Variants in PLXNA2 observed in about 807,000 individuals in gnomAD.
PLXNA2 encodes the protein plexin-A2.
A neutral mutation model predicts 193.5 loss-of-function variants in PLXNA2; 91 were observed. The ratio of observed to expected loss-of-function variants is 0.47; its 90% CI spans 0.40 to 0.56. The LOEUF is 0.56. Among genes scored for constraint, PLXNA2 ranks in the 20% least tolerant of loss-of-function variants. PLXNA2 has a pLI of 0.00. For synonymous variants in PLXNA2, 997 were observed against 1,027.3 expected, an observed-to-expected ratio of 0.97 and a Z score of 0.56; for missense variants, 1,995 against 2,503.2, an observed-to-expected ratio of 0.80 and a Z score of 4.33.
At chr1:208,124,601 C>T (rs1667908594) in intron 4 of PLXNA2, among the ~76,000 whole-genome samples, 1 of 148,900 alleles carries the variant, frequency 6.7e-6, no homozygotes, top group African/African-American at 2.5e-5. Flanking sequence ...ATCCCTTGAA[C>T]CCGGTAGGCA....
chr1:208,103,380 T>C (rs993124005), intron 4 of PLXNA2, 133 bp from the exon 5 acceptor site: 2 of 640,552 alleles, frequency 3.1e-6, no homozygotes, highest in Non-Finnish European at 5.3e-6. Context: ...CGGCAAGTCA[T>C]GGCCTCAATG....
chr1:208,043,922 C>T (rs555766233), intron 20 of PLXNA2, among the ~76,000 whole-genome samples: 12 of 152,334 alleles, frequency 7.9e-5, no homozygotes, highest in African/African-American at 2.4e-4. Flanking sequence ...TGAGAGGACG[C>T]CAGGTACACT....
At position 208,082,558 on chromosome 1, in the gene PLXNA2, G is replaced by T; in HGVS notation, c.2299-50C>A. On this transcript the variant is annotated intron_variant, in intron 10 of 31. Transcript: ENST00000367033. The surrounding 1 kb of genome is among the most constrained non-coding windows in gnomAD (Gnocchi z 4.2). ...GGGGCTCATGTGGCTCTCTATCACA[G>T]GGGTCAGGGATGCAGACAAACCCTG... is the stretch of plus-strand genomic sequence containing the variant. 1 of 1,353,940 alleles carries T rather than the reference G, an allele frequency of 7.4e-7. No individual in the cohort carries two copies. The highest frequency in any genetic ancestry group is 1.1e-6 in the Non-Finnish European group (1 of 948,106). 83.9% of individuals were successfully genotyped at this position (1,353,940 alleles called of 1,614,324 possible).
At chr1:208,183,269 C>T (rs978158701) in intron 3 of PLXNA2, among the ~76,000 whole-genome samples, 4 of 152,182 alleles carry the variant, frequency 2.6e-5, no homozygotes, top group East Asian at 1.9e-4. Flanking sequence ...ATCCTGAATC[C>T]GGAGGGAGGG....
intron 4 of PLXNA2, 47 bp from the exon 5 acceptor site, chr1:208,103,294 C>T (rs754340170): frequency 2.4e-5 from 35 of 1,433,822 alleles, no homozygotes; most frequent in Middle Eastern, 1.8e-4. Context: ...GCTGTGACGA[C>T]TAGCAGGTGT....
Position 208,138,463 on chromosome 1 carries a change from C to A in PLXNA2, c.1506+3866G>T, listed in dbSNP as rs528417970. ...CTACAATGGCTTGAGTAGGAGGCAACCCCATCATAAGTCGAGAGCATGTGT... is the reference window on the plus strand; with the variant it reads ...CTACAATGGCTTGAGTAGGAGGCAAACCCATCATAAGTCGAGAGCATGTGT... On this transcript the variant is annotated intron_variant, in intron 4 of 31. Transcript: ENST00000367033. Among the ~76,000 whole-genome samples the A allele has an allele frequency of 1.0e-3, 157 of 152,312 alleles. 5 individuals carry two copies. In the South Asian group the frequency reaches 0.031, roughly 30 times the overall value.
Position 208,216,966 on chromosome 1 carries a change from C to T in PLXNA2, c.957G>A (p.Gly319=). 7 of 1,613,624 alleles carry T rather than the reference C, an allele frequency of 4.3e-6. No homozygotes were observed. The highest frequency in any genetic ancestry group is 5.9e-6 in the Non-Finnish European group (7 of 1,179,702). Residue 319 remains glycine (G), a synonymous_variant, in exon 2 of 32, where the codon GGG becomes GGA. Coordinates refer to ENST00000367033, the MANE Select transcript of PLXNA2 (RefSeq NM_025179.4). The part of the protein sequence containing the change: ...LLQAAYLAKP[G]DSLAQAFNIT... ...TATTGAAGGCCTGGGCCAGTGAGTC[C>T]CCAGGCTTGGCCAGGTAAGCAGCCT...
chr1:208,122,991 T>C (rs1408424111), intron 4 of PLXNA2, among the ~76,000 whole-genome samples: 1 of 152,222 alleles, frequency 6.6e-6, no homozygotes, highest in Non-Finnish European at 1.5e-5. Flanking sequence ...ATTCAGGAAC[T>C]GTACAACCAT....
At chr1:208,119,993 T>C (rs1054085620) in intron 4 of PLXNA2, among the ~76,000 whole-genome samples, 4 of 152,214 alleles carry the variant, frequency 2.6e-5, no homozygotes, top group African/African-American at 9.6e-5. Context: ...GTGGATGGAT[T>C]TGTGTCCCCT....
intron 22 of PLXNA2, among the ~76,000 whole-genome samples, chr1:208,041,092 C>T (rs1197812824): frequency 1.3e-5 from 2 of 152,236 alleles, no homozygotes; most frequent in African/African-American, 2.4e-5. Context: ...TCCCAGCACC[C>T]TCTCCCTGCA....
chr1:208,190,579 T>C (rs909278734), intron 3 of PLXNA2, among the ~76,000 whole-genome samples: 4 of 152,172 alleles, frequency 2.6e-5, no homozygotes, highest in Admixed American at 6.5e-5. Flanking sequence ...TAATTCTTCA[T>C]TGTGGGGAGG....
At position 208,070,446 on chromosome 1, in the gene PLXNA2, C is replaced by CA. The variant is rs532729103; in HGVS notation, c.2586+8813dup. Among the ~76,000 whole-genome samples, 1,167 of 152,242 alleles carry CA rather than the reference C, an allele frequency of 7.7e-3. 12 individuals carry two copies. Among genetic ancestry groups the CA allele is most frequent in the South Asian group, 0.046 (220 of 4,824 alleles). On this transcript the variant is annotated intron_variant, in intron 12 of 31. Transcript: ENST00000367033. ...TCTTCCTGTGCATGTCTAGTCTCCCCAAACAATGCTGGGATTGGGGACTAC... is the reference window on the plus strand; with the variant it reads ...TCTTCCTGTGCATGTCTAGTCTCCCCAAAACAATGCTGGGATTGGGGACTAC...
At chr1:208,047,561 T>C (rs1249179738) in intron 17 of PLXNA2, among the ~76,000 whole-genome samples, 1 of 152,224 alleles carries the variant, frequency 6.6e-6, no homozygotes, top group Non-Finnish European at 1.5e-5. Context: ...ACTCCCTCTC[T>C]GCCTGGCTCC....
Position 208,038,509 on chromosome 1 carries a change from G to C in PLXNA2, c.4661-35C>G. On this transcript the variant is annotated intron_variant, in intron 25 of 31. Coordinates refer to ENST00000367033, the MANE Select transcript of PLXNA2 (RefSeq NM_025179.4). This position sits in a 1 kb window ranked among gnomAD's most constrained non-coding sequence, Gnocchi z 4.1. ...GGGGGTGGTGCAGGGAGCGGCGTGA[G>C]AGGGATGAGGGCTGTGAGCCAGTGT... The C allele has an allele frequency of 6.7e-7, 1 of 1,500,622 alleles. No individual in the cohort carries two copies. Among genetic ancestry groups the C allele is most frequent in the Non-Finnish European group, 9.3e-7 (1 of 1,076,610 alleles). 93.0% of individuals were successfully genotyped at this position (1,500,622 alleles called of 1,614,324 possible).
intron 1 of PLXNA2, among the ~76,000 whole-genome samples, chr1:208,241,352 C>G (rs1672043897): frequency 6.6e-6 from 1 of 152,164 alleles, no homozygotes; most frequent in African/African-American, 2.4e-5. Context: ...GCTCTGAAGA[C>G]AGGGATAGGT....
intron 11 of PLXNA2, among the ~76,000 whole-genome samples, chr1:208,081,450 A>G (rs1169618515): frequency 6.6e-6 from 1 of 152,108 alleles, no homozygotes; most frequent in African/African-American, 2.4e-5. Context: ...CTTGTGGCTG[A>G]GGGTAGGAGG....
rs1664972751 is a variant in PLXNA2, at chr1:208,044,150, G to A, written c.3874+358C>T. ...GCGAAGACAGTGTGCAGAAAAACAA[G>A]AGCTGGACACTCCCATGGGGGATCT... On this transcript the variant is annotated intron_variant, in intron 20 of 31. Coordinates refer to ENST00000367033, the MANE Select transcript of PLXNA2 (RefSeq NM_025179.4). The surrounding 1 kb of genome is among the most constrained non-coding windows in gnomAD (Gnocchi z 4.9). Among the ~76,000 whole-genome samples, 1 of 152,230 alleles carries A rather than the reference G, an allele frequency of 6.6e-6. No homozygotes were observed. Among genetic ancestry groups the A allele is most frequent in the South Asian group, 2.1e-4 (1 of 4,834 alleles).
At chr1:208,067,293 G>A (rs372630312) in intron 12 of PLXNA2, among the ~76,000 whole-genome samples, 3 of 148,806 alleles carry the variant, frequency 2.0e-5, no homozygotes, top group Admixed American at 6.7e-5. Flanking sequence ...GCAGTGAGCC[G>A]AGATCGCACC....
At chr1:208,085,567 A>G (rs1666491540) in intron 9 of PLXNA2, among the ~76,000 whole-genome samples, 1 of 152,236 alleles carries the variant, frequency 6.6e-6, no homozygotes, top group South Asian at 2.1e-4. Context: ...GACATGTTCA[A>G]TGACAAAAAT....
Sources: allele counts gnomAD v4.1 joint callset (sites outside exome capture counted in the v4.1 genomes callset), GRCh38; gene constraint gnomAD v4.1.1; non-coding constraint Gnocchi (gnomAD v3.1); transcripts MANE v1.5; gene names NCBI Gene and HGNC (gene_info 2026-07-23, HGNC 2026-07-21).